Variants in PPP1R12A observed in about 807,000 individuals in gnomAD.
The protein encoded by PPP1R12A is myosin binding subunit.
In PPP1R12A, 19 loss-of-function variants were observed where a neutral mutation model predicts 139.6. The observed-to-expected ratio is 0.14, with a 90% CI of 0.09 to 0.20. The LOEUF (loss-of-function observed/expected upper bound fraction) is 0.20, where lower values mean the gene tolerates loss of function less well. Among genes scored for constraint, PPP1R12A ranks in the 10% least tolerant of loss-of-function variants. The probability of loss-of-function intolerance (pLI) is 1.00; values close to 1 mark genes in which losing one functional copy is unlikely to be tolerated. For missense variants in PPP1R12A, 925 were observed against 1,211.5 expected, an observed-to-expected ratio of 0.76 and a Z score of 3.51; for synonymous variants, 427 against 420.6, an observed-to-expected ratio of 1.02 and a Z score of -0.19.
intron 9 of PPP1R12A, among the ~76,000 whole-genome samples, chr12:79,815,247 T>C (rs890431729): frequency 1.3e-5 from 2 of 152,146 alleles, no homozygotes; most frequent in Non-Finnish European, 2.9e-5. Flanking sequence ...ACCCAAAAGA[T>C]AGAGAGCCAG....
intron 2 of PPP1R12A, among the ~76,000 whole-genome samples, chr12:79,864,152 G>A (rs1881695161): frequency 1.3e-5 from 2 of 152,152 alleles, no homozygotes; most frequent in South Asian, 4.1e-4. Flanking sequence ...TCAGACCACA[G>A]TGCAATCAAA....
intron 9 of PPP1R12A, among the ~76,000 whole-genome samples, chr12:79,813,728 G>C (rs1481359284): frequency 2.0e-5 from 3 of 152,302 alleles, no homozygotes; most frequent in African/African-American, 4.8e-5. Flanking sequence ...TCATCAGCTT[G>C]ATATTGCTAC....
At chr12:79,818,339 T>G (rs1875662868) in intron 8 of PPP1R12A, among the ~76,000 whole-genome samples, 1 of 152,142 alleles carries the variant, frequency 6.6e-6, no homozygotes, top group Non-Finnish European at 1.5e-5. Flanking sequence ...TTACCCAGGC[T>G]CAAGCGATCT....
intron 10 of PPP1R12A, 113 bp downstream of exon 10, chr12:79,809,678 GTTAA>G (rs1394052518): frequency 1.4e-5 from 10 of 719,058 alleles, no homozygotes; most frequent in Non-Finnish European, 2.3e-5. Flanking sequence ...ATTCATTAAG[GTTAA>G]TTAACTTGAT....
rs79123954 is a variant in PPP1R12A at position 79,882,620 on chromosome 12, C to A, written c.238-9682G>T. 1.2e-3 allele frequency among the ~76,000 whole-genome samples: 190 copies of A among 152,284 alleles called. 4 individuals carry two copies. In the East Asian group the frequency reaches 0.035, roughly 28 times the overall value. On this transcript the variant is annotated intron_variant, in intron 1 of 24. Coordinates refer to ENST00000450142, the MANE Select transcript of PPP1R12A (RefSeq NM_002480.3). ...TAAAAGGTTTAGAAAATGACATAAA[C>A]TTGGTTGATACAGTGGCAGGGTCTG...
chr12:79,835,567 A>G (rs942874237), intron 3 of PPP1R12A, among the ~76,000 whole-genome samples: 1 of 152,124 alleles, frequency 6.6e-6, no homozygotes, highest in Non-Finnish European at 1.5e-5. Context: ...CACTTTGACT[A>G]CTGCTACCAG....
intron 12 of PPP1R12A, 185 bp downstream of exon 12, chr12:79,807,041 A>G (rs1377076072): frequency 2.4e-6 from 1 of 423,516 alleles, no homozygotes; most frequent in Non-Finnish European, 4.2e-6. Flanking sequence ...TATAATAGGC[A>G]TAACAAATTA....
chr12:79,848,477 A>G (rs10746145), intron 2 of PPP1R12A, among the ~76,000 whole-genome samples: 138,976 of 152,070 alleles, frequency 0.91, 63,801 homozygotes, highest in Middle Eastern at 0.95. Context: ...TGAAGTACAG[A>G]AAGCAGAGTT....
intron 2 of PPP1R12A, among the ~76,000 whole-genome samples, chr12:79,862,082 C>T (rs1051038355): frequency 6.6e-6 from 1 of 152,136 alleles, no homozygotes; most frequent in African/African-American, 2.4e-5. Flanking sequence ...ACACCTCATA[C>T]AGGGGGGTGC....
At chr12:79,845,520 A>G in intron 2 of PPP1R12A, 100 bp from the exon 3 acceptor site, 2 of 818,026 alleles carry the variant, frequency 2.4e-6, no homozygotes, top group African/African-American at 1.7e-5. Context: ...AAGCAGCAAT[A>G]AAGGGCAGTA....
At chr12:79,883,388 G>T (rs1017876958) in intron 1 of PPP1R12A, among the ~76,000 whole-genome samples, 1 of 151,948 alleles carries the variant, frequency 6.6e-6, no homozygotes, top group African/African-American at 2.4e-5. Context: ...CTTTTTTGTG[G>T]TAGTCTGGAA....
Position 79,821,159 on chromosome 12 carries a change from C to T in PPP1R12A, c.875G>A (p.Ser292Asn). 1.2e-6 allele frequency: 2 copies of T among 1,610,698 alleles called. No homozygotes were observed. The highest frequency in any genetic ancestry group is 1.7e-6 in the Non-Finnish European group (2 of 1,177,358). ...ELQKKQNLLH[S>N]EKRDKKSPLI... ...TGGAGATTTCTTGTCCCGTTTTTCA[C>T]TATGGAGCTTTGTACAAAGTTATGC... Residue 292 changes from serine (S) to asparagine (N), a missense_variant, in exon 7 of 25, where the codon AGT becomes AAT. Ser to Asn is a conservative substitution (Grantham distance 46). Transcript: ENST00000450142.
intron 21 of PPP1R12A, chr12:79,788,352 G>GT (rs1871372218): frequency 9.7e-6 from 2 of 206,536 alleles, no homozygotes; most frequent in South Asian, 2.6e-4. Context: ...CTGCTTCCTA[G>GT]TAACAAGAAA....
intron 1 of PPP1R12A, among the ~76,000 whole-genome samples, chr12:79,925,255 C>T (rs551221830): frequency 9.4e-4 from 142 of 151,676 alleles, no homozygotes; most frequent in Middle Eastern, 6.8e-3. Flanking sequence ...TGAGTGCATA[C>T]GTGTACGTGT....
chr12:79,921,359 A>G (rs1322045498), intron 1 of PPP1R12A, among the ~76,000 whole-genome samples: 2 of 152,212 alleles, frequency 1.3e-5, no homozygotes, highest in Non-Finnish European at 2.9e-5. Context: ...AATAATAGAC[A>G]TATGAGAACC....
intron 24 of PPP1R12A, 180 bp downstream of exon 24, chr12:79,778,370 A>G: frequency 5.1e-6 from 2 of 390,558 alleles, no homozygotes; most frequent in Non-Finnish European, 8.9e-6. Context: ...TTTGGGTTTT[A>G]GACCCTCTTC....
At chr12:79,789,777 ACT>A in intron 20 of PPP1R12A, 1 of 294,174 alleles carries the variant, frequency 3.4e-6, no homozygotes, top group Non-Finnish European at 6.5e-6. Flanking sequence ...ATTAGGTGAC[ACT>A]TTTTTTTTTT....
chr12:79,843,612 AT>A (rs1158412977), intron 3 of PPP1R12A, among the ~76,000 whole-genome samples: 2 of 18,242 alleles, frequency 1.1e-4, no homozygotes, highest in Admixed American at 6.6e-4. Context: ...TCAAAAAAAA[AT>A]ATAGATATAG....
chr12:79,882,589 T>C (rs1310462752), intron 1 of PPP1R12A, among the ~76,000 whole-genome samples: 2 of 152,256 alleles, frequency 1.3e-5, no homozygotes, highest in East Asian at 1.9e-4. Flanking sequence ...ATTGTTGAAA[T>C]AGCAATAAAA....
Sources: allele counts gnomAD v4.1 joint callset (sites outside exome capture counted in the v4.1 genomes callset), GRCh38; gene constraint gnomAD v4.1.1; transcripts MANE v1.5; gene names NCBI Gene and HGNC (gene_info 2026-07-23, HGNC 2026-07-21).